CDH23: variants seen among roughly 807,000 people sequenced by gnomAD.
CDH23 encodes cadherin related 23.
A neutral mutation model predicts 317.1 loss-of-function variants in CDH23; 189 were observed. The observed-to-expected ratio is 0.60, with a 90% CI of 0.53 to 0.67. The LOEUF (loss-of-function observed/expected upper bound fraction) is 0.67, where lower values mean the gene tolerates loss of function less well. Ranked by LOEUF, CDH23 falls within the 30% of genes least tolerant of loss-of-function variation. CDH23 has a pLI of 0.00. For synonymous variants in CDH23, 1,839 were observed against 1,876.8 expected (o/e 0.98, Z 0.52); for missense variants, 4,401 against 4,592.4 (o/e 0.96, Z 1.20).
chr10:71,559,009 A>C (rs1009627556), intron 6 of CDH23, among the ~76,000 whole-genome samples: 2 of 152,170 alleles, frequency 1.3e-5, no homozygotes, highest in African/African-American at 2.4e-5. Context: ...TTTCTGCAAG[A>C]GTTGGGGAAG....
intron 38 of CDH23, chr10:71,760,623 C>T (rs41305995): frequency 0.014 from 6,670 of 492,336 alleles, 64 homozygotes; most frequent in Middle Eastern, 0.026. Flanking sequence ...AAGGTCACTG[C>T]CAAGGCACAG....
chr10:71,713,516 G>C (rs967324506), intron 28 of CDH23: 1 of 539,098 alleles, frequency 1.9e-6, no homozygotes, highest in Non-Finnish European at 3.3e-6. Flanking sequence ...GGCTGGCAAT[G>C]CTCCCCTCCC....
intron 66 of CDH23, 100 bp from the exon 67 acceptor site, chr10:71,812,380 T>A: frequency 6.2e-7 from 1 of 1,603,544 alleles, no homozygotes; most frequent in Non-Finnish European, 8.5e-7. Context: ...AAAGGCACTA[T>A]ATGGCCAGGG....
chr10:71,575,066 G>T (rs1362325578), intron 8 of CDH23, among the ~76,000 whole-genome samples: 4 of 152,138 alleles, frequency 2.6e-5, no homozygotes, highest in Non-Finnish European at 5.9e-5. Context: ...CTTGCTGGGG[G>T]CCCCACACAG....
chr10:71,724,022 A>G (rs1440931229), intron 28 of CDH23, 23 bp from the exon 29 acceptor site: 10 of 1,553,738 alleles, frequency 6.4e-6, no homozygotes, highest in Non-Finnish European at 8.7e-6. Flanking sequence ...TCAAGAAGTA[A>G]CTCGTGTCTC....
chr10:71,502,897 C>T (rs1589142371), intron 3 of CDH23, among the ~76,000 whole-genome samples: 1 of 152,224 alleles, frequency 6.6e-6, no homozygotes, highest in East Asian at 1.9e-4. Flanking sequence ...AAATAAAAAG[C>T]CCTGCAGCCT....
chr10:71,459,760 C>G (rs1270236850), intron 3 of CDH23, among the ~76,000 whole-genome samples: 2 of 152,204 alleles, frequency 1.3e-5, no homozygotes, highest in Non-Finnish European at 1.5e-5. Context: ...CCACCTGCTA[C>G]TAGCAGGCTG....
At chr10:71,699,210 A>G (rs1429634265) in intron 22 of CDH23, among the ~76,000 whole-genome samples, 1 of 152,258 alleles carries the variant, frequency 6.6e-6, no homozygotes, top group African/African-American at 2.4e-5. Flanking sequence ...TGTGTTGTTG[A>G]GGACTGATAC....
intron 6 of CDH23, among the ~76,000 whole-genome samples, chr10:71,563,120 C>G (rs1589211759): frequency 6.6e-6 from 1 of 152,054 alleles, no homozygotes; most frequent in Non-Finnish European, 1.5e-5. Context: ...GTGGAAAGAG[C>G]ACTCCGTATG....
At chr10:71,497,956 C>T (rs1388626847) in intron 3 of CDH23, among the ~76,000 whole-genome samples, 1 of 152,224 alleles carries the variant, frequency 6.6e-6, no homozygotes, top group African/African-American at 2.4e-5. Flanking sequence ...CTTCTTCCTA[C>T]TGACCTCAGA....
intron 9 of CDH23, among the ~76,000 whole-genome samples, chr10:71,598,256 C>T (rs1859989564): frequency 6.6e-6 from 1 of 152,242 alleles, no homozygotes; most frequent in Non-Finnish European, 1.5e-5. Context: ...AGGCTGCCCT[C>T]TGTTCTGGCC....
Position 71,683,762 on chromosome 10 carries a change from G to T in CDH23, c.1986+1190G>T, listed in dbSNP as rs543615605. ...GCACCTCAGACTTCAGGGAGTGTTG[G>T]GGGAAGGAGGACAGGGACCAGGAGA... On this transcript the variant is annotated intron_variant, in intron 18 of 69. Transcript: ENST00000224721. Among the ~76,000 whole-genome samples the T allele has an allele frequency of 3.9e-5, 6 of 152,268 alleles. No individual in the cohort carries two copies. The South Asian group carries it at 1.2e-3, about 32-fold the overall frequency.
At chr10:71,566,714 C>A (rs2132357888) in intron 6 of CDH23, 28 bp from the exon 7 acceptor site, 1 of 1,563,502 alleles carries the variant, frequency 6.4e-7, no homozygotes, top group Non-Finnish European at 8.7e-7. Flanking sequence ...CTGGCTCACC[C>A]TTGTACTTGC....
At position 71,398,770 on chromosome 10, in the gene CDH23, G is replaced by T. The variant is rs530385520; in HGVS notation, c.-6+1452G>T. Among the ~76,000 whole-genome samples the T allele has an allele frequency of 3.2e-3, 494 of 152,262 alleles. 3 individuals carry two copies. The highest frequency in any genetic ancestry group is 0.011 in the African/African-American group (461 of 41,528). ...TGGCTGCCAGGGCTGGGGAGGGCAGGAAGGCAGAGTGTCTCGTGGTAGAGG... is the reference window on the plus strand; with the variant it reads ...TGGCTGCCAGGGCTGGGGAGGGCAGTAAGGCAGAGTGTCTCGTGGTAGAGG... On this transcript the variant is annotated intron_variant, in intron 1 of 69. Transcript: ENST00000224721.
rs762780158 is a variant in CDH23 at position 71,798,595 on chromosome 10, T to G, written c.7054+17T>G. The G allele has an allele frequency of 1.1e-5, 17 of 1,581,298 alleles. No homozygotes were observed. Among genetic ancestry groups the G allele is most frequent in the Non-Finnish European group, 2.6e-6 (3 of 1,159,636 alleles). ...CCTCGGCAGGTAGGTTAGAAATCTGTCAGAGGAGGGCTGGGGGACATATAT... is the reference window on the plus strand; with the variant it reads ...CCTCGGCAGGTAGGTTAGAAATCTGGCAGAGGAGGGCTGGGGGACATATAT... On this transcript the variant is annotated intron_variant, in intron 50 of 69. Transcript: ENST00000224721.
Position 71,793,660 on chromosome 10 carries a change from TC to T in CDH23, c.6712+23del. 6.6e-7 allele frequency: 1 copy of T among 1,511,096 alleles called. No homozygotes were observed. Among genetic ancestry groups the T allele is most frequent in the Non-Finnish European group, 8.9e-7 (1 of 1,120,330 alleles). The allele number at this position is 1,511,096 out of a possible 1,614,324, so 93.6% of individuals were successfully genotyped here. A position where few individuals can be genotyped will look rare whatever the true frequency, so the allele number is the denominator to read the frequency against. On this transcript the variant is annotated intron_variant, in intron 48 of 69. Transcript: ENST00000224721. ...ACACAGGTACAAGGGCCTGCACCCC[TC>T]CCACCTCCCTCCCAGCTCCCAGTCC... is the stretch of plus-strand genomic sequence containing the variant.
intron 1 of CDH23, among the ~76,000 whole-genome samples, chr10:71,403,347 CTTTCTTT>C (rs1564557893): frequency 1.3e-5 from 1 of 75,674 alleles, no homozygotes; most frequent in Non-Finnish European, 2.4e-5. Context: ...TTCTTTCTTT[CTTTCTTT>C]CTTTCTTTCT....
At position 71,646,615 on chromosome 10, in the gene CDH23, C is replaced by T. The variant is rs2132597561; in HGVS notation, c.1447C>T (p.Leu483=). Residue 483 remains leucine, a splice_region_variant and synonymous_variant, in exon 14 of 70, where the codon CTG becomes TTG. Coordinates refer to ENST00000224721, the MANE Select transcript of CDH23 (RefSeq NM_022124.6). ...CGTGGGGACCTCTGTGCTGACAGTC[C>T]TGGTGAGTCCCCGCTTCACTGCAGG... The part of the protein sequence containing the change: ...VTVGTSVLTV[L]ATDNDAGTFG... The T allele has an allele frequency of 6.2e-7, 1 of 1,614,016 alleles. No individual in the cohort carries two copies. The highest frequency in any genetic ancestry group is 8.5e-7 in the Non-Finnish European group (1 of 1,179,902).
intron 11 of CDH23, among the ~76,000 whole-genome samples, chr10:71,632,384 T>C (rs75773818): frequency 0.021 from 3,141 of 152,296 alleles, 106 homozygotes; most frequent in African/African-American, 0.072. Flanking sequence ...TTGGGAGCCA[T>C]AGATGGTCCT....
Sources: allele counts gnomAD v4.1 joint callset (sites outside exome capture counted in the v4.1 genomes callset), GRCh38; gene constraint gnomAD v4.1.1; transcripts MANE v1.5; gene names NCBI Gene and HGNC (gene_info 2026-07-23, HGNC 2026-07-21).